Variants in ATP8B1 observed in about 807,000 individuals in gnomAD.
ATP8B1 encodes phospholipid-transporting ATPase IC.
Under a neutral mutation model 149.9 loss-of-function variants are expected in ATP8B1, and 80 were observed. The observed-to-expected ratio is 0.53, with a 90% CI of 0.45 to 0.64. The LOEUF is 0.64. Among genes scored for constraint, ATP8B1 ranks in the 30% least tolerant of loss-of-function variants. The pLI, the probability that ATP8B1 is intolerant of heterozygous loss-of-function variation, is 0.00. For missense variants in ATP8B1, 1,247 were observed against 1,552.6 expected (o/e 0.80, Z 3.31); for synonymous variants, 536 against 562.8 (o/e 0.95, Z 0.67).
intron 2 of ATP8B1, among the ~76,000 whole-genome samples, chr18:57,726,805 C>T (rs987158772): frequency 6.6e-6 from 1 of 152,192 alleles, no homozygotes; most frequent in Admixed American, 6.5e-5. Flanking sequence ...ATAGGCCGGG[C>T]ACAGTGGTTC....
chr18:57,771,530 T>C (rs535585578), intron 1 of ATP8B1, among the ~76,000 whole-genome samples: 1 of 152,316 alleles, frequency 6.6e-6, no homozygotes, highest in South Asian at 2.1e-4. Context: ...AAAATCAGGC[T>C]GACAAGTTAC....
intron 18 of ATP8B1, 146 bp downstream of exon 18, chr18:57,669,172 G>T (rs1217604103): frequency 7.0e-6 from 6 of 862,464 alleles, no homozygotes; most frequent in South Asian, 2.3e-5. Flanking sequence ...GTGAATAAAA[G>T]AAATAACCTT....
At chr18:57,706,309 C>T (rs1187894155) in intron 3 of ATP8B1, among the ~76,000 whole-genome samples, 181 bp downstream of exon 3, 1 of 152,076 alleles carries the variant, frequency 6.6e-6, no homozygotes, top group African/African-American at 2.4e-5. Flanking sequence ...TCAAGTCACC[C>T]GCTACCCACC....
At chr18:57,749,166 C>T (rs1181247397) in intron 1 of ATP8B1, among the ~76,000 whole-genome samples, 1 of 152,134 alleles carries the variant, frequency 6.6e-6, no homozygotes, top group Non-Finnish European at 1.5e-5. Flanking sequence ...GTTTGCTTCC[C>T]CTTTAAAATC....
At chr18:57,746,467 CTTTTTTTTTTT>C (rs71171082) in intron 1 of ATP8B1, among the ~76,000 whole-genome samples, 1 of 94,102 alleles carries the variant, frequency 1.1e-5, no homozygotes, top group Admixed American at 1.2e-4. Context: ...CTGATGCTTA[CTTTTTTTTTTT>C]TTTTTTTTTT....
intron 15 of ATP8B1, among the ~76,000 whole-genome samples, chr18:57,680,718 C>G (rs192942771): frequency 6.6e-6 from 1 of 151,232 alleles, no homozygotes; most frequent in Admixed American, 6.6e-5. Flanking sequence ...AAGTGTCTCC[C>G]ACATCCATGG....
chr18:57,731,774 C>G lies in ATP8B1; in HGVS notation c.34G>C (p.Asp12His). Reference sequence around the variant, plus strand: ...TCGTCATTAGGCTGAGAATCCTCGTCAAATGTCGTTTCTGAGTCTCTTTCT... The same window carrying G: ...TCGTCATTAGGCTGAGAATCCTCGTGAAATGTCGTTTCTGAGTCTCTTTCT... ...STERDSETTF[D>H]EDSQPNDEVV... is the part of the protein sequence containing the mutation. The change falls in exon 2 of 28, where the codon GAC (aspartate) becomes CAC (histidine). Residue 12 changes from aspartate to histidine, a missense_variant. Transcript: ENST00000648908. 1 of 1,614,116 alleles carries G rather than the reference C, an allele frequency of 6.2e-7. No individual in the cohort carries two copies. The highest frequency in any genetic ancestry group is 8.5e-7 in the Non-Finnish European group (1 of 1,180,014).
Position 57,653,994 on chromosome 18 carries a change from G to A in ATP8B1, c.3013C>T (p.Gln1005Ter). The A allele has an allele frequency of 6.2e-7, 1 of 1,613,038 alleles. No individual in the cohort carries two copies. The highest frequency in any genetic ancestry group is 8.5e-7 in the Non-Finnish European group (1 of 1,179,126). The change falls in exon 24 of 28, where the codon CAG (glutamine) becomes TAG (stop). Residue 1005 changes from glutamine (Q) to a stop codon, truncating the protein, a stop_gained and splice_region_variant. Coordinates refer to ENST00000648908, the MANE Select transcript of ATP8B1 (RefSeq NM_001374385.1). LOFTEE classifies it high-confidence loss of function. The part of the protein sequence containing the change: ...LPVLLMGLLD[Q>*]DVSDKLSLRF... ...CCCTGCTTGTGCGAGGCTCCTACCT[G>A]GTCGAGCAGCCCCATGAGGAGCACG... is the stretch of plus-strand genomic sequence containing the variant.
rs1568204561 is a variant in ATP8B1, at chr18:57,706,442, G to GA, written c.279+47dup. 7.1e-6 allele frequency: 11 copies of GA among 1,543,312 alleles called. No homozygotes were observed. The African/African-American group carries it at 8.2e-5, about 11-fold the overall frequency. ...AAGGTAGTAAGCATGCCAGCTACTG[G>GA]AAAAAACTGCATTTTAATGAAAACA... On this transcript the variant is annotated intron_variant, in intron 3 of 27. Coordinates refer to ENST00000648908, the MANE Select transcript of ATP8B1 (RefSeq NM_001374385.1).
intron 24 of ATP8B1, among the ~76,000 whole-genome samples, chr18:57,652,964 T>C (rs1203425450): frequency 6.6e-6 from 1 of 152,224 alleles, no homozygotes; most frequent in Non-Finnish European, 1.5e-5. Flanking sequence ...ATAAGTTTAT[T>C]ACTTTGCTAC....
Position 57,647,325 on chromosome 18 carries a change from T to G in ATP8B1, c.*1163A>C, listed in dbSNP as rs978074666. The G allele has an allele frequency of 1.3e-5, 2 of 152,198 alleles. No individual in the cohort carries two copies. The highest frequency in any genetic ancestry group is 4.8e-5 in the African/African-American group (2 of 41,466). The allele number at this position is 152,198 out of a possible 1,614,324, so 9.4% of individuals were successfully genotyped here. On this transcript the variant is annotated 3_prime_UTR_variant, in exon 28 of 28. Coordinates refer to ENST00000648908, the MANE Select transcript of ATP8B1 (RefSeq NM_001374385.1). ...AAAGTATGTAATGTGCTATCTCACC[T>G]AGTAGTAAACTAAAAATAAACTGAA...
chr18:57,668,500 C>G lies in ATP8B1; in HGVS notation c.2138G>C (p.Gly713Ala). 6.2e-7 allele frequency: 1 copy of G among 1,600,436 alleles called. No individual in the cohort carries two copies. The highest frequency in any genetic ancestry group is 8.5e-7 in the Non-Finnish European group (1 of 1,174,506). Residue 713 changes from glycine (G) to alanine (A), a missense_variant, in exon 19 of 28, where the codon GGA (glycine) becomes GCA (alanine). By Grantham distance (60) the Gly-to-Ala change is moderately conservative (BLOSUM62 0). Coordinates refer to ENST00000648908, the MANE Select transcript of ATP8B1 (RefSeq NM_001374385.1). ...AAGTTTTGAAATGGTTTCTGGAACT[C>G]CATCCTGTAGCTTGTCTTCAATAGC... Reference protein sequence around the residue: ...ATAIEDKLQDGVPETISKLAK... With the variant: ...ATAIEDKLQDAVPETISKLAK...
At chr18:57,767,438 T>G (rs190865859) in intron 1 of ATP8B1, among the ~76,000 whole-genome samples, 2 of 152,130 alleles carry the variant, frequency 1.3e-5, no homozygotes, top group African/African-American at 4.8e-5. Context: ...GATCAGCAGT[T>G]GCACTAGCCT....
At position 57,648,655 on chromosome 18, in the gene ATP8B1, CCTG is replaced by C; in HGVS notation, c.3586_3588del (p.Gln1196del). 2 of 1,585,066 alleles carry C rather than the reference CCTG, an allele frequency of 1.3e-6. No individual in the cohort carries two copies. Among genetic ancestry groups the C allele is most frequent in the East Asian group, 2.3e-5 (1 of 43,120 alleles). On this transcript the variant is annotated inframe_deletion, in exon 28 of 28. Transcript: ENST00000648908. ...CGCGTTGACACGCCCCGGCGGAACACCTGCTGCCGTCGCTGCCACTGCTCCTCC... is the reference window on the plus strand; with the variant it reads ...CGCGTTGACACGCCCCGGCGGAACACCTGCCGTCGCTGCCACTGCTCCTCC...
At chr18:57,767,022 T>C (rs73959350) in intron 1 of ATP8B1, among the ~76,000 whole-genome samples, 1,725 of 152,188 alleles carry the variant, frequency 0.011, 33 homozygotes, top group African/African-American at 0.039. Flanking sequence ...TTGCAAATCT[T>C]TCCATGTCAT....
At chr18:57,687,919 A>G (rs1286737096) in intron 13 of ATP8B1, among the ~76,000 whole-genome samples, 1 of 151,534 alleles carries the variant, frequency 6.6e-6, no homozygotes, top group East Asian at 2.0e-4. Context: ...AGCTGGGATT[A>G]TAGCTGTGCG....
rs1910910342 is a variant in ATP8B1 at position 57,667,117 on chromosome 18, T to C, written c.2260A>G (p.Thr754Ala). The change falls in exon 20 of 28, where the codon ACC becomes GCC. Residue 754 changes from threonine to alanine, a missense_variant. This residue lies in a region of ATP8B1 where 853 missense variants were observed against 1,035.7 expected (regional missense o/e 0.82). Transcript: ENST00000648908. ...FACELLTEDT[T>A]ICYGEDINSL... is the part of the protein sequence containing the mutation. ...TTAATATCCTCCCCATAGCAGATGGTGGTGTCTTCAGTCAGAAGTTCACAA... is the reference window on the plus strand; with the variant it reads ...TTAATATCCTCCCCATAGCAGATGGCGGTGTCTTCAGTCAGAAGTTCACAA... 1.2e-6 allele frequency: 2 copies of C among 1,613,344 alleles called. No individual in the cohort carries two copies. The highest frequency in any genetic ancestry group is 2.2e-5 in the East Asian group (1 of 44,888).
At chr18:57,679,665 T>G (rs952089884) in intron 15 of ATP8B1, among the ~76,000 whole-genome samples, 2 of 152,106 alleles carry the variant, frequency 1.3e-5, no homozygotes, top group African/African-American at 4.8e-5. Flanking sequence ...CTCAGCTGAT[T>G]CACTCTAATT....
intron 12 of ATP8B1, among the ~76,000 whole-genome samples, chr18:57,690,013 C>T (rs1912452015): frequency 1.3e-5 from 2 of 151,628 alleles, no homozygotes; most frequent in African/African-American, 4.9e-5. Flanking sequence ...AAGACTCTGT[C>T]TCAAAACAAA....
Sources: gnomAD v4.1 joint callset for allele counts (sites outside exome capture counted in the v4.1 genomes callset) on GRCh38, gnomAD v4.1.1 for gene constraint, gnomAD v4.1.1 regional missense constraint, MANE v1.5 for transcripts, NCBI Gene and HGNC (gene_info 2026-07-23, HGNC 2026-07-21) for gene names.